KDM4B: variants seen among roughly 807,000 people sequenced by gnomAD.
The protein encoded by KDM4B is lysine demethylase 4B.
A neutral mutation model predicts 125.2 loss-of-function variants in KDM4B; 32 were observed. That is an observed-to-expected ratio of 0.26 (90% CI 0.19 to 0.34). The LOEUF (loss-of-function observed/expected upper bound fraction) is 0.34, where lower values mean the gene tolerates loss of function less well. Ranked by LOEUF, KDM4B falls within the 10% of genes least tolerant of loss-of-function variation. KDM4B has a pLI of 1.00. For synonymous variants in KDM4B, 721 were observed against 677.9 expected (o/e 1.06, Z -0.99); for missense variants, 1,190 against 1,577.7 (o/e 0.75, Z 4.16).
chr19:5,084,457 TTATA>T (rs1568285553), intron 9 of KDM4B, among the ~76,000 whole-genome samples: 1 of 139,888 alleles, frequency 7.1e-6, no homozygotes, highest in Non-Finnish European at 1.5e-5. Context: ...TTATAATAAT[TTATA>T]TATTATATAT....
At chr19:5,128,284 C>G (rs1226874826) in intron 11 of KDM4B, among the ~76,000 whole-genome samples, 1 of 152,214 alleles carries the variant, frequency 6.6e-6, no homozygotes, top group African/African-American at 2.4e-5. Context: ...ACTGAGTGGC[C>G]CTGCAGCTGG....
At chr19:5,093,061 C>T (rs977076950) in intron 9 of KDM4B, among the ~76,000 whole-genome samples, 1 of 152,182 alleles carries the variant, frequency 6.6e-6, no homozygotes, top group Non-Finnish European at 1.5e-5. Flanking sequence ...CCTCAGTTTC[C>T]CTCCTAGGGC....
chr19:5,079,473 G>A (rs2038221416), intron 8 of KDM4B, among the ~76,000 whole-genome samples: 1 of 152,126 alleles, frequency 6.6e-6, no homozygotes, highest in African/African-American at 2.4e-5. Flanking sequence ...GGAGGGCTGG[G>A]GGAGTGAGGT....
At chr19:5,041,490 GGCCCCACC>G (rs2036815313) in intron 5 of KDM4B, among the ~76,000 whole-genome samples, 1 of 152,184 alleles carries the variant, frequency 6.6e-6, no homozygotes, top group Non-Finnish European at 1.5e-5. Context: ...AGCTCACCCT[GGCCCCACC>G]TCTGGCCTCA....
At chr19:5,037,219 C>T (rs56386046) in intron 3 of KDM4B, among the ~76,000 whole-genome samples, 48,636 of 152,020 alleles carry the variant, frequency 0.32, 8,085 homozygotes, top group Non-Finnish European at 0.36. Flanking sequence ...GGGCCAGGTT[C>T]ATGGAACCCT....
At chr19:5,111,691 G>T in intron 10 of KDM4B, 1 of 743,226 alleles carries the variant, frequency 1.3e-6, no homozygotes, top group South Asian at 1.4e-5. Flanking sequence ...AGCTGGAGCC[G>T]GGAGGGACGG....
In KDM4B at chr19:4,971,046, G is replaced by A. The variant is rs1226758706; in HGVS notation, c.-109+1816G>A. On this transcript the variant is annotated intron_variant, in intron 1 of 22. Coordinates refer to ENST00000159111, the MANE Select transcript of KDM4B (RefSeq NM_015015.3). The surrounding 1 kb of genome is among the most constrained non-coding windows in gnomAD (Gnocchi z 4.1). ...GTGTACAGGCTGTTTTGGTGGAAGC[G>A]TCTACTGTGTCAGGAGCTGCGGGTG... 5.3e-5 allele frequency among the ~76,000 whole-genome samples: 8 copies of A among 152,112 alleles called. No individual in the cohort carries two copies. The highest frequency in any genetic ancestry group is 7.4e-5 in the Non-Finnish European group (5 of 68,014).
At chr19:5,090,741 C>G (rs1162368116) in intron 9 of KDM4B, among the ~76,000 whole-genome samples, 1 of 144,660 alleles carries the variant, frequency 6.9e-6, no homozygotes. Context: ...AGTGCAGTGA[C>G]TTTGCCAAGG....
intron 9 of KDM4B, among the ~76,000 whole-genome samples, chr19:5,102,993 G>A (rs1261608741): frequency 6.6e-6 from 1 of 152,232 alleles, no homozygotes; most frequent in Non-Finnish European, 1.5e-5. Context: ...GCCTCTCCTG[G>A]CAACGGCCCT....
At chr19:5,107,382 T>TG (rs1360900144) in intron 9 of KDM4B, among the ~76,000 whole-genome samples, 1 of 152,184 alleles carries the variant, frequency 6.6e-6, no homozygotes, top group Admixed American at 6.5e-5. Context: ...ACCACCAAGT[T>TG]GGGCAGCAGG....
At chr19:5,031,525 C>G (rs2036457144) in intron 2 of KDM4B, among the ~76,000 whole-genome samples, 1 of 152,242 alleles carries the variant, frequency 6.6e-6, no homozygotes, top group African/African-American at 2.4e-5. Flanking sequence ...GGGCTTGGAG[C>G]TGTGCGGTTT....
At chr19:5,104,027 C>CGG (rs2038988154) in intron 9 of KDM4B, among the ~76,000 whole-genome samples, 1 of 152,240 alleles carries the variant, frequency 6.6e-6, no homozygotes. Flanking sequence ...GCCCTCCCCA[C>CGG]GGCTGCCTGC....
At chr19:5,123,881 C>T (rs1397154136) in intron 11 of KDM4B, among the ~76,000 whole-genome samples, 5 of 151,914 alleles carry the variant, frequency 3.3e-5, no homozygotes, top group East Asian at 1.9e-4. Context: ...GGGGGATGGG[C>T]GCAGTTCAGG....
intron 9 of KDM4B, among the ~76,000 whole-genome samples, chr19:5,095,029 G>T (rs893307954): frequency 6.6e-6 from 1 of 152,256 alleles, no homozygotes; most frequent in East Asian, 1.9e-4. Context: ...GGGACGTGTT[G>T]AGCCATAGAT....
rs149288701 is a variant in KDM4B at position 5,067,235 on chromosome 19, A to AC, written c.627-3770dup. ...TTGTTGCACTGAGCTAAGTCTCCCC[A>AC]CCCCCTTAACATTTCTGACTCTGCC... On this transcript the variant is annotated intron_variant, in intron 6 of 22. Coordinates refer to ENST00000159111, the MANE Select transcript of KDM4B (RefSeq NM_015015.3). Among the ~76,000 whole-genome samples, 413 of 151,974 alleles carry AC rather than the reference A, an allele frequency of 2.7e-3. 2 individuals are homozygous for AC. The highest frequency in any genetic ancestry group is 9.4e-3 in the African/African-American group (390 of 41,434).
chr19:5,002,395 C>A (rs2362522), intron 1 of KDM4B, among the ~76,000 whole-genome samples: 55,888 of 151,004 alleles, frequency 0.37, 11,048 homozygotes, highest in East Asian at 0.72. Context: ...TTTCTCCTTT[C>A]CTTTCCTTTC....
At chr19:5,104,131 C>T (rs1428725138) in intron 9 of KDM4B, among the ~76,000 whole-genome samples, 2 of 152,208 alleles carry the variant, frequency 1.3e-5, no homozygotes, top group East Asian at 1.9e-4. Flanking sequence ...CAATGAGTCC[C>T]GCTGGCAGGA....
chr19:5,092,714 A>T (rs1177622218), intron 9 of KDM4B, among the ~76,000 whole-genome samples: 1 of 152,120 alleles, frequency 6.6e-6, no homozygotes, highest in East Asian at 1.9e-4. Context: ...GGCACTGGCG[A>T]GGGAGCCCAG....
chr19:5,094,569 G>T (rs1317377312), intron 9 of KDM4B, among the ~76,000 whole-genome samples: 1 of 152,056 alleles, frequency 6.6e-6, no homozygotes, highest in East Asian at 1.9e-4. Flanking sequence ...TGGGAAGAAG[G>T]GGACAGCGTG....
Sources: allele counts gnomAD v4.1 joint callset (sites outside exome capture counted in the v4.1 genomes callset), GRCh38; gene constraint gnomAD v4.1.1; non-coding constraint Gnocchi (gnomAD v3.1); transcripts MANE v1.5; gene names NCBI Gene and HGNC (gene_info 2026-07-23, HGNC 2026-07-21).